CELF2: variants seen among roughly 807,000 people sequenced by gnomAD.
The protein encoded by CELF2 is CUG triplet repeat RNA-binding protein 2.
Under a neutral mutation model 62.6 loss-of-function variants are expected in CELF2, and 8 were observed. That is an observed-to-expected ratio of 0.13 (90% confidence interval 0.07 to 0.23). The LOEUF (loss-of-function observed/expected upper bound fraction) is 0.23. Ranked by LOEUF, CELF2 falls within the 10% of genes least tolerant of loss-of-function variation. The pLI is 1.00. For missense variants in CELF2, 333 were observed against 671.0 expected (o/e 0.50, Z 5.56); for synonymous variants, 258 against 250.0 (o/e 1.03, Z -0.30).
the CELF2 span, among the ~76,000 whole-genome samples, chr10:10,501,518 T>C: frequency 3.3e-5 from 5 of 152,198 alleles, no homozygotes; most frequent in African/African-American, 4.8e-5. Context: ...ATGTTTTTTA[T>C]ATGTATTTGA....
the CELF2 span, among the ~76,000 whole-genome samples, chr10:10,786,362 T>C: frequency 6.6e-6 from 1 of 152,038 alleles, no homozygotes; most frequent in Non-Finnish European, 1.5e-5. Flanking sequence ...CTTGGGTATT[T>C]ACAAGAGGGA....
chr10:10,981,441 C>T (rs1473895402), intron 2 of CELF2, among the ~76,000 whole-genome samples: 1 of 152,212 alleles, frequency 6.6e-6, no homozygotes, highest in Non-Finnish European at 1.5e-5. Flanking sequence ...GTTGAAGAAT[C>T]CGCAGCGACG....
the CELF2 span, among the ~76,000 whole-genome samples, chr10:10,580,453 G>A: frequency 6.6e-6 from 1 of 152,040 alleles, no homozygotes; most frequent in Non-Finnish European, 1.5e-5. Context: ...ACTCTTCTAA[G>A]CTCACAACCT....
At chr10:11,072,933 A>T (rs2070587989) in intron 1 of CELF2, among the ~76,000 whole-genome samples, 1 of 152,038 alleles carries the variant, frequency 6.6e-6, no homozygotes, top group Non-Finnish European at 1.5e-5. Context: ...TAACTATATT[A>T]AAATGTTAAT....
the CELF2 span, among the ~76,000 whole-genome samples, chr10:10,670,403 G>T: frequency 2.6e-5 from 4 of 152,022 alleles, no homozygotes; most frequent in Non-Finnish European, 5.9e-5. Context: ...TGAAAATAAG[G>T]TTATTCGTAC....
chr10:10,817,788 C>T (rs542700970), intron 1 of CELF2, among the ~76,000 whole-genome samples: 1 of 152,302 alleles, frequency 6.6e-6, no homozygotes, highest in African/African-American at 2.4e-5. Flanking sequence ...AACATAGAAG[C>T]AATAACATCA....
the CELF2 span, among the ~76,000 whole-genome samples, chr10:10,687,748 G>C: frequency 6.6e-6 from 1 of 152,150 alleles, no homozygotes; most frequent in African/African-American, 2.4e-5. Flanking sequence ...GACCTCAAGG[G>C]GTTGAAAGTT....
chr10:10,985,950 C>T lies in CELF2; in HGVS notation c.89+65951C>T, dbSNP rs138608255. Among the ~76,000 whole-genome samples the T allele has an allele frequency of 6.6e-4, 100 of 152,282 alleles. 1 individual carries two copies. In the East Asian group the frequency reaches 0.017, roughly 26 times the overall value. On this transcript the variant is annotated intron_variant, in intron 2 of 13. Transcript: ENST00000636488. Reference sequence around the variant, plus strand: ...TAAAAGCTGGACTCTTTTCTCATCCCTAGGAAATTTGAAGACCTACTGTAT... The same window carrying T: ...TAAAAGCTGGACTCTTTTCTCATCCTTAGGAAATTTGAAGACCTACTGTAT...
intron 1 of CELF2, among the ~76,000 whole-genome samples, chr10:11,113,478 G>A (rs967600239): frequency 2.6e-5 from 4 of 152,174 alleles, no homozygotes; most frequent in Non-Finnish European, 5.9e-5. Context: ...GAAAAGGGAC[G>A]ATAAAATATG....
the CELF2 span, among the ~76,000 whole-genome samples, chr10:10,695,439 G>C: frequency 6.7e-6 from 1 of 150,226 alleles, no homozygotes; most frequent in African/African-American, 2.4e-5. Flanking sequence ...TGCCCTTAAC[G>C]TTTTTTCCTT....
the CELF2 span, among the ~76,000 whole-genome samples, chr10:10,696,609 C>G: frequency 2.3e-3 from 357 of 152,084 alleles, 1 homozygote; most frequent in African/African-American, 7.8e-3. Flanking sequence ...AGCCTCGCTG[C>G]GGCCTTGCAG....
rs769015115 is a variant in CELF2 at position 11,157,934 on chromosome 10, G to T, written c.75-7552G>T. ...CCTAGTCTGCAGGGAATCAGATGTC[G>T]TGTGTCTTTCGTTTGCCCCCCTTGA... On this transcript the variant is annotated intron_variant, in intron 1 of 12. Coordinates refer to ENST00000633077, the MANE Select transcript of CELF2 (RefSeq NM_001326342.2). This position sits in a 1 kb window ranked among gnomAD's most constrained non-coding sequence, Gnocchi z 4.9. Among the ~76,000 whole-genome samples, 2 of 152,220 alleles carry T rather than the reference G, an allele frequency of 1.3e-5. No homozygotes were observed. Among genetic ancestry groups the T allele is most frequent in the African/African-American group, 4.8e-5 (2 of 41,458 alleles).
At chr10:11,264,232 ACTTCT>A (rs1317883472) in intron 5 of CELF2, among the ~76,000 whole-genome samples, 3 of 152,198 alleles carry the variant, frequency 2.0e-5, no homozygotes, top group African/African-American at 4.8e-5. Flanking sequence ...TATTGGTAAT[ACTTCT>A]CTTCTGAGGC....
chr10:11,105,636 C>T, intron 1 of CELF2: 1 of 152,364 alleles, frequency 6.6e-6, no homozygotes, highest in Non-Finnish European at 1.5e-5. Flanking sequence ...CTAATTCCTT[C>T]TCTGATTCCC....
intron 1 of CELF2, among the ~76,000 whole-genome samples, chr10:10,815,949 A>T (rs7920903): frequency 0.56 from 82,068 of 146,126 alleles, 23,291 homozygotes; most frequent in East Asian, 0.77. Context: ...ATCCCTTTTG[A>T]TCATCGTTTC....
chr10:10,763,526 A>G, the CELF2 span, among the ~76,000 whole-genome samples: 1 of 152,222 alleles, frequency 6.6e-6, no homozygotes, highest in South Asian at 2.1e-4. Flanking sequence ...TACCTTCCGC[A>G]GAGCTGCCCT....
the CELF2 span, chr10:10,792,653 G>C: frequency 2.6e-6 from 1 of 387,372 alleles, no homozygotes; most frequent in Non-Finnish European, 4.6e-6. Context: ...GACTATCTGA[G>C]CCACAGATTT....
the CELF2 span, among the ~76,000 whole-genome samples, chr10:10,707,392 G>T: frequency 1.3e-5 from 2 of 152,228 alleles, no homozygotes; most frequent in East Asian, 3.9e-4. Flanking sequence ...TTAATTTGGG[G>T]TAGGAAAAAT....
rs76019888 is a variant in CELF2 at position 11,260,649 on chromosome 10, GTT to G, written c.538+2790_538+2791del. 4.2e-5 allele frequency among the ~76,000 whole-genome samples: 6 copies of G among 141,592 alleles called. No homozygotes were observed. Among genetic ancestry groups the G allele is most frequent in the Admixed American group, 7.1e-5 (1 of 14,164 alleles). 92.9% of individuals were successfully genotyped at this position (141,592 alleles called of 152,430 possible). A position where few individuals can be genotyped will look rare whatever the true frequency, so the allele number is the denominator to read the frequency against. On this transcript the variant is annotated intron_variant, in intron 5 of 12. Transcript: ENST00000633077. The surrounding 1 kb of genome is among the most constrained non-coding windows in gnomAD (Gnocchi z 4.2). ...GGAGAAAACTTTTCCCTCCCCATCT[GTT>G]TTTTTTTTTTTTAAACAGCAGAAAA...
Sources: allele counts gnomAD v4.1 joint callset (sites outside exome capture counted in the v4.1 genomes callset), GRCh38; gene constraint gnomAD v4.1.1; non-coding constraint Gnocchi (gnomAD v3.1); transcripts MANE v1.5; gene names NCBI Gene and HGNC (gene_info 2026-07-23, HGNC 2026-07-21).